TASP1: variants seen among roughly 807,000 people sequenced by gnomAD.
TASP1 encodes taspase 1, also known as threonine aspartase 1.
A neutral mutation model predicts 56.6 loss-of-function variants in TASP1; 16 were observed. The observed-to-expected ratio is 0.28, with a 90% confidence interval of 0.19 to 0.43. The LOEUF (loss-of-function observed/expected upper bound fraction) is 0.43. Ranked by LOEUF, TASP1 falls within the 20% of genes least tolerant of loss-of-function variation. TASP1 has a pLI of 1.00. For synonymous variants in TASP1, 179 were observed against 184.2 expected (o/e 0.97, Z 0.23); for missense variants, 393 against 511.6 (o/e 0.77, Z 2.24).
chr20:13,397,628 G>A (rs112035585), intron 13 of TASP1, among the ~76,000 whole-genome samples: 12 of 152,244 alleles, frequency 7.9e-5, no homozygotes, highest in African/African-American at 2.6e-4. Context: ...GTGAATCAGA[G>A]CTTGCTCAGG....
At chr20:13,448,384 C>T (rs2043490511) in intron 11 of TASP1, among the ~76,000 whole-genome samples, 2 of 152,032 alleles carry the variant, frequency 1.3e-5, no homozygotes, top group Non-Finnish European at 2.9e-5. Context: ...TTCTTTGCTG[C>T]TTTCATATCA....
chr20:13,618,210 G>A (rs1354294806), intron 4 of TASP1, among the ~76,000 whole-genome samples: 1 of 152,016 alleles, frequency 6.6e-6, no homozygotes, highest in Non-Finnish European at 1.5e-5. Flanking sequence ...AGGAGTTCGA[G>A]ACCAGCCTGG....
At chr20:13,424,932 C>T (rs890804690) in intron 12 of TASP1, among the ~76,000 whole-genome samples, 1 of 152,134 alleles carries the variant, frequency 6.6e-6, no homozygotes, top group Non-Finnish European at 1.5e-5. Context: ...TCATGTCATA[C>T]AAATGCAATG....
At chr20:13,134,475 A>G in the TASP1 span, among the ~76,000 whole-genome samples, 1 of 152,186 alleles carries the variant, frequency 6.6e-6, no homozygotes, top group Non-Finnish European at 1.5e-5. Flanking sequence ...TGATGATGGG[A>G]GTGCCAGACA....
the TASP1 span, among the ~76,000 whole-genome samples, chr20:13,380,136 T>C: frequency 6.6e-6 from 1 of 152,208 alleles, no homozygotes; most frequent in South Asian, 2.1e-4. Flanking sequence ...TTGTGATCCT[T>C]GGGAGGAGAA....
chr20:13,438,039 C>T (rs545659291), intron 11 of TASP1, among the ~76,000 whole-genome samples: 1 of 151,524 alleles, frequency 6.6e-6, no homozygotes, highest in Non-Finnish European at 1.5e-5. Flanking sequence ...CAAAAAGGAG[C>T]CCGCATTGCC....
chr20:13,110,895 G>T, the TASP1 span, among the ~76,000 whole-genome samples: 1 of 152,052 alleles, frequency 6.6e-6, no homozygotes, highest in Non-Finnish European at 1.5e-5. Flanking sequence ...TAAAAGGAAG[G>T]AAGTGAAGGC....
the TASP1 span, among the ~76,000 whole-genome samples, chr20:13,372,676 A>G: frequency 6.6e-6 from 1 of 151,962 alleles, no homozygotes; most frequent in Admixed American, 6.6e-5. Flanking sequence ...ATTGTTTTCT[A>G]TATGTCTCAT....
chr20:13,204,475 T>A, the TASP1 span, among the ~76,000 whole-genome samples: 2 of 151,932 alleles, frequency 1.3e-5, no homozygotes, highest in Non-Finnish European at 2.9e-5. Flanking sequence ...GACATTTATT[T>A]CATGTGGGCG....
chr20:13,115,894 C>A, the TASP1 span, among the ~76,000 whole-genome samples: 6 of 152,192 alleles, frequency 3.9e-5, no homozygotes, highest in Non-Finnish European at 8.8e-5. Context: ...GAGAACATCA[C>A]GCAAATTGCC....
chr20:13,468,106 C>T (rs1234268934), intron 11 of TASP1, among the ~76,000 whole-genome samples: 2 of 152,052 alleles, frequency 1.3e-5, no homozygotes. Flanking sequence ...TGAAAATTTT[C>T]CTAACAAATA....
chr20:13,284,729 C>CG, the TASP1 span, among the ~76,000 whole-genome samples: 2 of 152,074 alleles, frequency 1.3e-5, no homozygotes, highest in African/African-American at 2.4e-5. Context: ...ATACTTCTTC[C>CG]TAGGAGGCAG....
At chr20:13,351,435 T>C in the TASP1 span, among the ~76,000 whole-genome samples, 1 of 152,158 alleles carries the variant, frequency 6.6e-6, no homozygotes, top group Non-Finnish European at 1.5e-5. Context: ...AACACATCCT[T>C]CAGTGAGTGA....
At chr20:13,521,616 A>G (rs2044757907) in intron 10 of TASP1, among the ~76,000 whole-genome samples, 2 of 125,212 alleles carry the variant, frequency 1.6e-5, no homozygotes, top group Admixed American at 1.9e-4. Flanking sequence ...GGAACATCAC[A>G]CACCGGGGCT....
At chr20:13,535,874 C>G (rs908054390) in intron 8 of TASP1, among the ~76,000 whole-genome samples, 56 of 152,258 alleles carry the variant, frequency 3.7e-4, no homozygotes, top group African/African-American at 1.3e-3. Context: ...TAACAATAAC[C>G]AGACTTGCTC....
chr20:13,153,413 C>A, the TASP1 span, among the ~76,000 whole-genome samples: 53 of 152,082 alleles, frequency 3.5e-4, no homozygotes, highest in African/African-American at 1.2e-3. Flanking sequence ...AGCAGGGGTC[C>A]CCCTCTTTCC....
At chr20:13,530,140 C>A (rs952567963) in intron 9 of TASP1, among the ~76,000 whole-genome samples, 1 of 152,150 alleles carries the variant, frequency 6.6e-6, no homozygotes, top group Non-Finnish European at 1.5e-5. Context: ...ACAAACCCAC[C>A]ACTCTCTCAT....
chr20:13,144,016 C>T, the TASP1 span, among the ~76,000 whole-genome samples: 1 of 152,150 alleles, frequency 6.6e-6, no homozygotes, highest in South Asian at 2.1e-4. Flanking sequence ...GTCATGTTTA[C>T]TTACAATGCT....
At chr20:13,393,726 T>G in intron 13 of TASP1, 7 of 866,112 alleles carry the variant, frequency 8.1e-6, no homozygotes, top group South Asian at 7.1e-5. Flanking sequence ...AGAGAGGCCC[T>G]CAGCTGCTGG....
Sources: allele counts gnomAD v4.1 joint callset (sites outside exome capture counted in the v4.1 genomes callset), GRCh38; gene constraint gnomAD v4.1.1; transcripts MANE v1.5; gene names NCBI Gene and HGNC (gene_info 2026-07-23, HGNC 2026-07-21).